Variants in LIN54 observed in about 807,000 individuals in gnomAD.
The protein encoded by LIN54 is lin-54 DREAM MuvB core complex component.
In LIN54, 9 loss-of-function variants were observed where a neutral mutation model predicts 78.7. The observed-to-expected ratio is 0.11, with a 90% CI of 0.07 to 0.20. The LOEUF is 0.20. Ranked by LOEUF, LIN54 falls within the 10% of genes least tolerant of loss-of-function variation. The pLI, the probability that LIN54 is intolerant of heterozygous loss-of-function variation, is 1.00. For missense variants in LIN54, 573 were observed against 889.9 expected (o/e 0.64, Z 4.53); for synonymous variants, 269 against 318.4 (o/e 0.84, Z 1.65).
intron 4 of LIN54, among the ~76,000 whole-genome samples, chr4:82,955,890 A>C (rs933732645): frequency 3.3e-5 from 5 of 152,266 alleles, no homozygotes; most frequent in African/African-American, 1.2e-4. Flanking sequence ...GGGTGACAAA[A>C]AATAGGCAAG....
chr4:82,981,680 C>CT (rs1726659054), intron 2 of LIN54, among the ~76,000 whole-genome samples: 1 of 151,926 alleles, frequency 6.6e-6, no homozygotes. Context: ...AATCTAATTC[C>CT]TTTTTATTGT....
chr4:82,979,417 C>CA (rs1009415476), intron 2 of LIN54, among the ~76,000 whole-genome samples: 1 of 152,044 alleles, frequency 6.6e-6, no homozygotes, highest in African/African-American at 2.4e-5. Context: ...TACACAATTA[C>CA]ATTGGCCCTT....
intron 5 of LIN54, among the ~76,000 whole-genome samples, chr4:82,944,407 T>C (rs182005219): frequency 1.8e-4 from 27 of 152,294 alleles, no homozygotes; most frequent in African/African-American, 6.3e-4. Context: ...ATTGGACTTA[T>C]AGCACTTCTC....
At position 82,979,929 on chromosome 4, in the gene LIN54, G is replaced by T. The variant is rs550174179; in HGVS notation, c.685-923C>A. 2.6e-4 allele frequency among the ~76,000 whole-genome samples: 14 copies of T among 54,814 alleles called. No individual in the cohort carries two copies. The East Asian group carries it at 6.0e-3, about 23-fold the overall frequency. 36.0% of individuals were successfully genotyped at this position (54,814 alleles called of 152,430 possible). On this transcript the variant is annotated intron_variant, in intron 2 of 12. Transcript: ENST00000340417. The stretch of plus-strand genomic sequence containing the variant: ...CCAGCCTGGGTGACAGAGTGAGTGA[G>T]ACTCTGTCTCAAAAAAAAAAAAAAA...
intron 3 of LIN54, among the ~76,000 whole-genome samples, chr4:82,972,414 A>C (rs916771986): frequency 3.9e-5 from 6 of 152,154 alleles, no homozygotes; most frequent in African/African-American, 1.4e-4. Flanking sequence ...TAAAAACCTG[A>C]ATACATCATA....
chr4:82,972,778 C>T (rs1451564370), intron 3 of LIN54, among the ~76,000 whole-genome samples: 1 of 151,860 alleles, frequency 6.6e-6, no homozygotes. Context: ...GTCAGGAATT[C>T]GAGACCAGCC....
intron 11 of LIN54, among the ~76,000 whole-genome samples, chr4:82,934,372 C>A (rs1162596806): frequency 6.6e-6 from 1 of 152,204 alleles, no homozygotes; most frequent in African/African-American, 2.4e-5. Context: ...CACCACTGCA[C>A]TCCAGCCTGG....
intron 4 of LIN54, among the ~76,000 whole-genome samples, chr4:82,959,337 T>A (rs960311949): frequency 1.3e-5 from 2 of 151,742 alleles, no homozygotes; most frequent in African/African-American, 2.4e-5. Flanking sequence ...CCAAAAAAAA[T>A]TTTTTTAATT....
intron 11 of LIN54, among the ~76,000 whole-genome samples, chr4:82,933,847 T>C (rs1402953311): frequency 6.6e-6 from 1 of 152,234 alleles, no homozygotes; most frequent in African/African-American, 2.4e-5. Flanking sequence ...AGTTCCTATA[T>C]GTCTGAATTT....
At chr4:82,933,698 C>T (rs1263303369) in intron 11 of LIN54, among the ~76,000 whole-genome samples, 3 of 152,178 alleles carry the variant, frequency 2.0e-5, no homozygotes, top group Non-Finnish European at 1.5e-5. Flanking sequence ...AAATTTGTTA[C>T]TAGACAGTGT....
At chr4:83,005,938 T>C (rs1340328604) in intron 1 of LIN54, among the ~76,000 whole-genome samples, 2 of 152,092 alleles carry the variant, frequency 1.3e-5, no homozygotes, top group Non-Finnish European at 2.9e-5. Flanking sequence ...CACTATGAAA[T>C]ACTACGTAGC....
rs34511957 is a variant in LIN54 at position 82,947,235 on chromosome 4, A to ATTTTTTTTTTTTTTT, written c.952-762_952-761insAAAAAAAAAAAAAAA. ...TATATATATATATATATATATATAT[A>ATTTTTTTTTTTTTTT]TTTTTTTTTTTTTTGAAGACAGGGT... On this transcript the variant is annotated intron_variant, in intron 4 of 12. Transcript: ENST00000340417. Among the ~76,000 whole-genome samples, 5 of 44,290 alleles carry ATTTTTTTTTTTTTTT rather than the reference A, an allele frequency of 1.1e-4. 1 individual carries two copies. Among genetic ancestry groups the ATTTTTTTTTTTTTTT allele is most frequent in the African/African-American group, 4.0e-4 (4 of 10,026 alleles). 29.1% of individuals were successfully genotyped at this position (44,290 alleles called of 152,430 possible). A position where few individuals can be genotyped will look rare whatever the true frequency, so the allele number is the denominator to read the frequency against.
rs193240513 is a variant in LIN54, at chr4:82,958,154, T to C, written c.952-11680A>G. Among the ~76,000 whole-genome samples, 7 of 152,350 alleles carry C rather than the reference T, an allele frequency of 4.6e-5. No homozygotes were observed. In the East Asian group the frequency reaches 5.8e-4, roughly 13 times the overall value. On this transcript the variant is annotated intron_variant, in intron 4 of 12. Transcript: ENST00000340417. Reference sequence around the variant, plus strand: ...TACGAAATGGAAGAGTGTCTCTTTGTAACAAGAAGCCTTCATCATTGTTCA... The same window carrying C: ...TACGAAATGGAAGAGTGTCTCTTTGCAACAAGAAGCCTTCATCATTGTTCA...
intron 4 of LIN54, among the ~76,000 whole-genome samples, chr4:82,961,579 G>A (rs17352267): frequency 0.42 from 64,091 of 152,096 alleles, 16,716 homozygotes; most frequent in Admixed American, 0.58. Context: ...TGAAGCATAT[G>A]TAAGGATGTC....
At chr4:82,990,373 T>G (rs6847544) in intron 1 of LIN54, among the ~76,000 whole-genome samples, 54,006 of 151,964 alleles carry the variant, frequency 0.36, 11,438 homozygotes, top group African/African-American at 0.59. Flanking sequence ...GTGTATCAGT[T>G]CCCCCATATC....
At chr4:82,964,252 T>C (rs557517687) in intron 4 of LIN54, among the ~76,000 whole-genome samples, 132 of 152,332 alleles carry the variant, frequency 8.7e-4, no homozygotes, top group Admixed American at 1.6e-3. Context: ...GGTTTCACCA[T>C]GTTGGCCAGA....
chr4:82,971,498 TATAG>T (rs1029525758), intron 3 of LIN54, among the ~76,000 whole-genome samples: 11 of 151,880 alleles, frequency 7.2e-5, no homozygotes, highest in African/African-American at 2.7e-4. Flanking sequence ...ACAATGGTCA[TATAG>T]ATAATCAATT....
In LIN54 at chr4:83,010,690, G is replaced by A. The variant is rs904978675; in HGVS notation, c.-239C>T. Reference sequence around the variant, plus strand: ...CCGGGGTGGCGACGTCGCCGTCGCCGCCGCCTCTGGTATGTCAGGGGCCGG... The same window carrying A: ...CCGGGGTGGCGACGTCGCCGTCGCCACCGCCTCTGGTATGTCAGGGGCCGG... On this transcript the variant is annotated 5_prime_UTR_variant, in exon 1 of 13. Transcript: ENST00000340417. The A allele has an allele frequency of 7.6e-5, 87 of 1,146,168 alleles. No individual in the cohort carries two copies. In the African/African-American group the frequency reaches 1.4e-3, roughly 18 times the overall value. The allele number at this position is 1,146,168 out of a possible 1,614,324, so 71.0% of individuals were successfully genotyped here. A position where few individuals can be genotyped will look rare whatever the true frequency, so the allele number is the denominator to read the frequency against.
intron 4 of LIN54, among the ~76,000 whole-genome samples, chr4:82,954,366 T>A (rs1724106338): frequency 6.6e-6 from 1 of 151,778 alleles, no homozygotes; most frequent in Non-Finnish European, 1.5e-5. Context: ...AAGACAGATA[T>A]GAATAATTTT....
Sources: allele counts gnomAD v4.1 joint callset (sites outside exome capture counted in the v4.1 genomes callset), GRCh38; gene constraint gnomAD v4.1.1; transcripts MANE v1.5; gene names NCBI Gene and HGNC (gene_info 2026-07-23, HGNC 2026-07-21).